TENM3: variants seen among roughly 807,000 people sequenced by gnomAD.
The protein encoded by TENM3 is teneurin transmembrane protein 3.
A neutral mutation model predicts 255.1 loss-of-function variants in TENM3; 63 were observed. The observed-to-expected ratio is 0.25, with a 90% CI of 0.20 to 0.30. The LOEUF (loss-of-function observed/expected upper bound fraction) is 0.30. Ranked by LOEUF, TENM3 falls within the 10% of genes least tolerant of loss-of-function variation. The pLI, the probability that TENM3 is intolerant of heterozygous loss-of-function variation, is 1.00. For synonymous variants in TENM3, 1,306 were observed against 1,322.3 expected (o/e 0.99, Z 0.27); for missense variants, 2,929 against 3,461.1 (o/e 0.85, Z 3.86).
intron 4 of TENM3, among the ~76,000 whole-genome samples, chr4:182,610,350 A>G (rs941454931): frequency 1.6e-4 from 24 of 152,194 alleles, no homozygotes; most frequent in African/African-American, 5.5e-4. Context: ...TTTGAGAAAG[A>G]TAGATTCTAT....
At position 182,681,950 on chromosome 4, in the gene TENM3, G is replaced by A. The variant is rs558378433; in HGVS notation, c.1971G>A (p.Thr657=). The part of the protein sequence containing the change: ...MCPDQCSGHG[T]YLQESGSCTC... ...CAGACCAGTGCTCCGGCCACGGAAC[G>A]TATCTTCAAGAAAGTGGCTCCTGCA... is the stretch of plus-strand genomic sequence containing the variant. The change falls in exon 11 of 28, where the codon ACG becomes ACA. Residue 657 remains threonine (T), a synonymous_variant. Coordinates refer to ENST00000511685, the MANE Select transcript of TENM3 (RefSeq NM_001080477.4). 2.7e-5 allele frequency: 44 copies of A among 1,613,964 alleles called. No individual in the cohort carries two copies. In the Middle Eastern group the frequency reaches 6.6e-4, roughly 24 times the overall value.
chr4:182,081,273 T>A, the TENM3 span, among the ~76,000 whole-genome samples: 2 of 152,106 alleles, frequency 1.3e-5, no homozygotes, highest in African/African-American at 4.8e-5. Flanking sequence ...GGGCACCAAG[T>A]GCTTCAAAGA....
In TENM3 at chr4:182,802,599, TA is replaced by T. The variant is rs575350222; in HGVS notation, c.*2251del. 262 of 152,786 alleles carry T rather than the reference TA, an allele frequency of 1.7e-3. No homozygotes were observed. Among genetic ancestry groups the T allele is most frequent in the African/African-American group, 5.8e-3 (241 of 41,590 alleles). The allele number at this position is 152,786 out of a possible 1,614,324, so 9.5% of individuals were successfully genotyped here. A position where few individuals can be genotyped will look rare whatever the true frequency, so the allele number is the denominator to read the frequency against. On this transcript the variant is annotated 3_prime_UTR_variant, in exon 28 of 28. Transcript: ENST00000511685. Reference sequence around the variant, plus strand: ...GGACTGGTCTTCACTCGGGCACCGATAAATAACAGATTTGGAGTATCTCCTG... The same window carrying T: ...GGACTGGTCTTCACTCGGGCACCGATAATAACAGATTTGGAGTATCTCCTG...
chr4:181,867,760 C>T, the TENM3 span, among the ~76,000 whole-genome samples: 1 of 152,042 alleles, frequency 6.6e-6, no homozygotes, highest in Non-Finnish European at 1.5e-5. Context: ...AGGCTTGTAC[C>T]ATAACCAATA....
chr4:182,589,968 ACT>A (rs1426564045), intron 3 of TENM3, among the ~76,000 whole-genome samples: 1 of 152,024 alleles, frequency 6.6e-6, no homozygotes, highest in Non-Finnish European at 1.5e-5. Context: ...ACCAAGCAAG[ACT>A]CTGTCTCAAA....
At chr4:181,823,929 T>A in the TENM3 span, among the ~76,000 whole-genome samples, 1 of 152,076 alleles carries the variant, frequency 6.6e-6, no homozygotes. Context: ...CACAAATTAA[T>A]CAAAGGCTTT....
At chr4:181,869,265 T>A in the TENM3 span, among the ~76,000 whole-genome samples, 13 of 152,298 alleles carry the variant, frequency 8.5e-5, no homozygotes, top group African/African-American at 3.1e-4. Context: ...TAGGAAACAC[T>A]TCAGTTTAGA....
chr4:181,901,791 G>A, the TENM3 span, among the ~76,000 whole-genome samples: 1,591 of 152,018 alleles, frequency 0.01, 69 homozygotes, highest in Admixed American at 0.076. Context: ...TAAAATACCA[G>A]CAAAAATACC....
At chr4:181,819,083 G>A in the TENM3 span, among the ~76,000 whole-genome samples, 2 of 152,214 alleles carry the variant, frequency 1.3e-5, no homozygotes, top group South Asian at 2.1e-4. Flanking sequence ...GGTGAGCCCC[G>A]AAGGACCTCT....
At chr4:181,468,293 T>G in the TENM3 span, among the ~76,000 whole-genome samples, 1 of 152,080 alleles carries the variant, frequency 6.6e-6, no homozygotes, top group South Asian at 2.1e-4. Context: ...AAATTAAAAT[T>G]AAAAATAAAT....
chr4:182,560,852 A>C (rs1043336427), intron 3 of TENM3, among the ~76,000 whole-genome samples: 3 of 150,264 alleles, frequency 2.0e-5, no homozygotes, highest in Non-Finnish European at 4.5e-5. Flanking sequence ...GTAAAAGGGC[A>C]AAGATACAAC....
intron 12 of TENM3, among the ~76,000 whole-genome samples, chr4:182,698,985 T>C (rs1217797876): frequency 1.3e-5 from 2 of 152,230 alleles, no homozygotes; most frequent in Non-Finnish European, 2.9e-5. Flanking sequence ...GTTTTTCCAC[T>C]GAAGTGATTT....
chr4:182,025,020 A>ATTTTTTTTTTTTTTTTTTTTTTTTT, the TENM3 span, among the ~76,000 whole-genome samples: 8 of 121,114 alleles, frequency 6.6e-5, no homozygotes, highest in South Asian at 2.6e-4. Flanking sequence ...ACAGGATTTC[A>ATTTTTTTTTTTTTTTTTTTTTTTTT]TTTTTTTTTT....
intron 3 of TENM3, among the ~76,000 whole-genome samples, chr4:182,533,503 C>A (rs1001017084): frequency 6.7e-6 from 1 of 149,004 alleles, no homozygotes; most frequent in Non-Finnish European, 1.5e-5. Flanking sequence ...CACACCACTG[C>A]ACTCCTGCCT....
chr4:182,511,994 G>A (rs539678252), intron 3 of TENM3, among the ~76,000 whole-genome samples: 110 of 152,262 alleles, frequency 7.2e-4, no homozygotes, highest in Middle Eastern at 3.4e-3. Context: ...AGTTCATACT[G>A]TAAGTAGCAA....
chr4:182,195,501 A>G (rs981157446), intron 1 of TENM3, among the ~76,000 whole-genome samples: 3 of 152,210 alleles, frequency 2.0e-5, no homozygotes, highest in Admixed American at 1.3e-4. Context: ...TTAGCTGAGC[A>G]TGGTGGTGCA....
chr4:182,719,021 G>C (rs1398066670), intron 13 of TENM3, among the ~76,000 whole-genome samples: 1 of 152,100 alleles, frequency 6.6e-6, no homozygotes. Flanking sequence ...GGGAGATCTA[G>C]TCAGTTCCCT....
At chr4:181,730,375 G>T in the TENM3 span, among the ~76,000 whole-genome samples, 1 of 152,296 alleles carries the variant, frequency 6.6e-6, no homozygotes, top group Non-Finnish European at 1.5e-5. Context: ...AGTTGCAGAG[G>T]TCTGAGTTGT....
intron 3 of TENM3, among the ~76,000 whole-genome samples, chr4:182,591,695 T>A (rs1230170012): frequency 6.6e-6 from 1 of 152,202 alleles, no homozygotes; most frequent in Non-Finnish European, 1.5e-5. Flanking sequence ...ACACTGGGCT[T>A]GTGTGAGAAT....
Sources: gnomAD v4.1 joint callset for allele counts (sites outside exome capture counted in the v4.1 genomes callset) on GRCh38, gnomAD v4.1.1 for gene constraint, MANE v1.5 for transcripts, NCBI Gene and HGNC (gene_info 2026-07-23, HGNC 2026-07-21) for gene names.